WDFY1: variants seen among roughly 807,000 people sequenced by gnomAD.
The protein encoded by WDFY1 is WD repeat and FYVE domain-containing protein 1.
A neutral mutation model predicts 56.4 loss-of-function variants in WDFY1; 32 were observed. The ratio of observed to expected loss-of-function variants is 0.57; its 90% CI spans 0.43 to 0.76. The LOEUF is 0.76. Ranked by LOEUF, WDFY1 falls within the 30% of genes least tolerant of loss-of-function variation. WDFY1 has a pLI of 0.00. For synonymous variants in WDFY1, 192 were observed against 197.3 expected (o/e 0.97, Z 0.23); for missense variants, 480 against 545.7 (o/e 0.88, Z 1.20).
At chr2:223,917,196 C>A (rs1574773604) in intron 2 of WDFY1, among the ~76,000 whole-genome samples, 2 of 152,288 alleles carry the variant, frequency 1.3e-5, no homozygotes, top group South Asian at 4.1e-4. Flanking sequence ...TGAGAAAATT[C>A]TCTATTTAGA....
intron 6 of WDFY1, among the ~76,000 whole-genome samples, chr2:223,898,486 G>GC (rs1420432862): frequency 2.6e-5 from 4 of 151,948 alleles, no homozygotes; most frequent in African/African-American, 7.3e-5. Flanking sequence ...TGCAACCTCT[G>GC]CCCCCCAGGT....
In WDFY1 at chr2:223,945,135, G is replaced by A; in HGVS notation, c.137+13C>T. ...GCGGAGTTCGGGCCGCCCCGGCTGC[G>A]CCCGGGCCCTACCTGTCCTCGCTGG... is the stretch of plus-strand genomic sequence containing the variant. On this transcript the variant is annotated intron_variant, in intron 1 of 11. Transcript: ENST00000233055. 5 of 1,579,566 alleles carry A rather than the reference G, an allele frequency of 3.2e-6. No individual in the cohort carries two copies. In the East Asian group the frequency reaches 7.1e-5, roughly 23 times the overall value.
At chr2:223,906,482 A>C (rs1289700952) in intron 3 of WDFY1, among the ~76,000 whole-genome samples, 1 of 152,164 alleles carries the variant, frequency 6.6e-6, no homozygotes, top group Non-Finnish European at 1.5e-5. Flanking sequence ...CAAAAGAGAA[A>C]TTTTGAGATT....
At chr2:223,923,117 G>T (rs1693914762) in intron 1 of WDFY1, among the ~76,000 whole-genome samples, 1 of 152,154 alleles carries the variant, frequency 6.6e-6, no homozygotes, top group South Asian at 2.1e-4. Flanking sequence ...CTGGATGGTT[G>T]GCGCTACCTT....
intron 2 of WDFY1, 70 bp from the exon 3 acceptor site, chr2:223,912,396 GAACTATAT>G (rs1693720087): frequency 3.8e-6 from 2 of 524,134 alleles, no homozygotes; most frequent in Non-Finnish European, 6.2e-6. Flanking sequence ...AAGTGATTAA[GAACTATAT>G]GATAAGAACT....
chr2:223,882,308 T>A (rs1432484713), intron 9 of WDFY1, among the ~76,000 whole-genome samples: 1 of 152,084 alleles, frequency 6.6e-6, no homozygotes, highest in Non-Finnish European at 1.5e-5. Context: ...AGAGATGGGA[T>A]TTCACCATCT....
chr2:223,944,614 T>G (rs1490159134), intron 1 of WDFY1, among the ~76,000 whole-genome samples: 11 of 114,742 alleles, frequency 9.6e-5, no homozygotes, highest in African/African-American at 2.1e-4. Context: ...TGGGACAGAG[T>G]TCCCGGGCTG....
intron 8 of WDFY1, among the ~76,000 whole-genome samples, chr2:223,885,620 AT>A (rs1693160654): frequency 6.6e-6 from 1 of 152,090 alleles, no homozygotes; most frequent in Non-Finnish European, 1.5e-5. Flanking sequence ...GTCTTTATGT[AT>A]TTCTTTTTTA....
intron 1 of WDFY1, among the ~76,000 whole-genome samples, chr2:223,931,591 G>A (rs916197583): frequency 2.0e-5 from 3 of 152,122 alleles, no homozygotes; most frequent in African/African-American, 7.2e-5. Flanking sequence ...AATACAGTAG[G>A]AGCAAAGATA....
Position 223,945,280 on chromosome 2 carries a change from G to A in WDFY1, c.5C>T (p.Ala2Val). The change falls in exon 1 of 12, where the codon GCG becomes GTG. Residue 2 changes from alanine (A) to valine (V), a missense_variant. Coordinates refer to ENST00000233055, the MANE Select transcript of WDFY1 (RefSeq NM_020830.5). The stretch of plus-strand genomic sequence containing the variant: ...CTGCGGCCTGGAGTGGATTTCGGCC[G>A]CCATGTTCGCGCGGCGACTGCTGCG... MAAEIHSRPQSS... is the reference protein window; with the variant it reads MVAEIHSRPQSS... 6.4e-7 allele frequency: 1 copy of A among 1,570,858 alleles called. No homozygotes were observed. Among genetic ancestry groups the A allele is most frequent in the Non-Finnish European group, 8.6e-7 (1 of 1,165,000 alleles).
At position 223,897,594 on chromosome 2, in the gene WDFY1, G is replaced by T. The variant is rs144926902; in HGVS notation, c.598+1364C>A. Reference sequence around the variant, plus strand: ...TGGGGTTTCGCCATGTTGCCAGGCTGGTCTCAAACTCCTGACCTCAAGTGA... The same window carrying T: ...TGGGGTTTCGCCATGTTGCCAGGCTTGTCTCAAACTCCTGACCTCAAGTGA... On this transcript the variant is annotated intron_variant, in intron 6 of 11. Coordinates refer to ENST00000233055, the MANE Select transcript of WDFY1 (RefSeq NM_020830.5). 9.0e-3 allele frequency among the ~76,000 whole-genome samples: 1,359 copies of T among 151,718 alleles called. 36 individuals carry two copies. Among genetic ancestry groups the T allele is most frequent in the African/African-American group, 0.031 (1,282 of 41,350 alleles).
rs1693007261 is a variant in WDFY1, at chr2:223,878,412, T to G, written c.*259A>C. On this transcript the variant is annotated 3_prime_UTR_variant, in exon 12 of 12. Coordinates refer to ENST00000233055, the MANE Select transcript of WDFY1 (RefSeq NM_020830.5). ...TGCTAGCTCATTCTTTCACTACACA[T>G]TAGCTGTTCATGGGGAAGTTTTGCT... 2.6e-6 allele frequency: 1 copy of G among 379,066 alleles called. No individual in the cohort carries two copies. Among genetic ancestry groups the G allele is most frequent in the Admixed American group, 4.3e-5 (1 of 23,094 alleles). The allele number at this position is 379,066 out of a possible 1,614,324, so 23.5% of individuals were successfully genotyped here.
At chr2:223,934,939 A>G (rs765792122) in intron 1 of WDFY1, among the ~76,000 whole-genome samples, 1 of 152,206 alleles carries the variant, frequency 6.6e-6, no homozygotes, top group Non-Finnish European at 1.5e-5. Context: ...GAATGGTGGT[A>G]TAGTGGGTTG....
chr2:223,899,572 C>T (rs960901927), intron 5 of WDFY1, among the ~76,000 whole-genome samples: 1 of 152,174 alleles, frequency 6.6e-6, no homozygotes, highest in East Asian at 1.9e-4. Flanking sequence ...TGGTGAAACC[C>T]CGTCTCTACT....
At chr2:223,907,697 T>G (rs1285572853) in intron 3 of WDFY1, among the ~76,000 whole-genome samples, 2 of 152,212 alleles carry the variant, frequency 1.3e-5, no homozygotes, top group African/African-American at 4.8e-5. Flanking sequence ...TAAAATTTTC[T>G]GAAAGCTAAA....
Position 223,918,008 on chromosome 2 carries a change from G to A in WDFY1, c.140C>T (p.Thr47Ile). ...DGVITASEDRTIRVWLKRDSG... is the reference protein window; with the variant it reads ...DGVITASEDRIIRVWLKRDSG... Reference sequence around the variant, plus strand: ...GTCTCTTTTCAGCCATACCCGGATGGTTCTGTGGAGAAAAGAAAAGAAAAA... The same window carrying A: ...GTCTCTTTTCAGCCATACCCGGATGATTCTGTGGAGAAAAGAAAAGAAAAA... The change falls in exon 2 of 12, where the codon ACC becomes ATC. Residue 47 changes from threonine (T) to isoleucine (I), a missense_variant and splice_region_variant. Thr to Ile is a moderately conservative substitution (Grantham distance 89). Coordinates refer to ENST00000233055, the MANE Select transcript of WDFY1 (RefSeq NM_020830.5). The A allele has an allele frequency of 1.9e-6, 3 of 1,613,784 alleles. No individual in the cohort carries two copies. Among genetic ancestry groups the A allele is most frequent in the Non-Finnish European group, 2.5e-6 (3 of 1,179,932 alleles).
At chr2:223,901,132 ACT>A in intron 5 of WDFY1, 49 bp downstream of exon 5, 1 of 1,571,766 alleles carries the variant, frequency 6.4e-7, no homozygotes, top group Non-Finnish European at 8.7e-7. Flanking sequence ...AGAACCAAAC[ACT>A]GAGAAGCAGA....
At chr2:223,930,675 G>C (rs930737781) in intron 1 of WDFY1, among the ~76,000 whole-genome samples, 6 of 152,228 alleles carry the variant, frequency 3.9e-5, no homozygotes, top group African/African-American at 1.4e-4. Context: ...AAATGTGGCT[G>C]AATGGGGTGC....
intron 2 of WDFY1, among the ~76,000 whole-genome samples, chr2:223,914,615 A>T (rs1693758628): frequency 6.6e-6 from 1 of 152,240 alleles, no homozygotes; most frequent in Non-Finnish European, 1.5e-5. Flanking sequence ...AAAAGTTTGT[A>T]GACCTACCCA....
Sources: gnomAD v4.1 joint callset for allele counts (sites outside exome capture counted in the v4.1 genomes callset) on GRCh38, gnomAD v4.1.1 for gene constraint, MANE v1.5 for transcripts, NCBI Gene and HGNC (gene_info 2026-07-23, HGNC 2026-07-21) for gene names.